Variants in ZNF81 observed in about 807,000 individuals in gnomAD.
ZNF81 encodes zinc finger protein 81.
ZNF81 carries 5 observed loss-of-function variants against 32.3 expected under a neutral mutation model. The ratio of observed to expected loss-of-function variants is 0.15; its 90% CI spans 0.08 to 0.33. The LOEUF is 0.33. Among genes scored for constraint, ZNF81 ranks in the 10% least tolerant of loss-of-function variants. The pLI is 1.00. For synonymous variants in ZNF81, 163 were observed against 166.8 expected (o/e 0.98, Z 0.17); for missense variants, 379 against 479.8 (o/e 0.79, Z 1.96).
At chrX:47,878,827 T>G (rs781969114) in intron 2 of ZNF81, among the ~76,000 whole-genome samples, 1 of 112,646 alleles carries the variant, frequency 8.9e-6, no homozygotes, top group East Asian at 2.8e-4. Flanking sequence ...CCTATAGTTC[T>G]GTAGTTCAGA....
intron 2 of ZNF81, among the ~76,000 whole-genome samples, chrX:47,853,815 G>T (rs2058505337): frequency 8.9e-6 from 1 of 111,834 alleles, no homozygotes; most frequent in Non-Finnish European, 1.9e-5. Context: ...CTCCCAAAGT[G>T]CTGGGATTAC....
Position 47,918,110 on chromosome X carries a change from T to G in ZNF81, c.*1478T>G, listed in dbSNP as rs146669967. On this transcript the variant is annotated 3_prime_UTR_variant, in exon 5 of 5. Transcript: ENST00000338637. ...AGAATATGGGAAGTATCAGTTTGCTTCTTTTAGCTGCATATGATACGATAC... is the reference window on the plus strand; with the variant it reads ...AGAATATGGGAAGTATCAGTTTGCTGCTTTTAGCTGCATATGATACGATAC... The G allele has an allele frequency of 2.7e-5, 3 of 110,883 alleles. No homozygotes were observed. The highest frequency in any genetic ancestry group is 9.8e-5 in the African/African-American group (3 of 30,509). The allele number at this position is 110,883 out of a possible 1,213,427, so 9.1% of individuals were successfully genotyped here. A position where few individuals can be genotyped will look rare whatever the true frequency, so the allele number is the denominator to read the frequency against.
chrX:47,885,666 G>A (rs2058638740), intron 2 of ZNF81, among the ~76,000 whole-genome samples: 1 of 111,677 alleles, frequency 9.0e-6, no homozygotes, highest in Admixed American at 9.5e-5. Flanking sequence ...GTGTCCTCAC[G>A]TGGTGGAAAG....
In ZNF81 at chrX:47,888,042, A is replaced by G; in HGVS notation, c.98A>G (p.Glu33Gly). ...FEDVTVDFSR[E>G]EWQQLDSTQR... ...GATGTGACTGTGGACTTCAGTAGAG[A>G]GGAGTGGCAGCAACTGGACTCTACT... Residue 33 changes from glutamate to glycine, a missense_variant, in exon 3 of 5, where the codon GAG becomes GGG. By Grantham distance (98) the Glu-to-Gly change is moderately conservative. This residue lies in a region of ZNF81 where 277 missense variants were observed against 306.6 expected (regional missense o/e 0.90). Coordinates refer to ENST00000338637, the MANE Select transcript of ZNF81 (RefSeq NM_007137.5). 1 of 1,210,707 alleles carries G rather than the reference A, an allele frequency of 8.3e-7. No homozygotes were observed. The highest frequency in any genetic ancestry group is 1.1e-6 in the Non-Finnish European group (1 of 895,060).
intron 4 of ZNF81, among the ~76,000 whole-genome samples, chrX:47,914,135 T>C (rs184815560): frequency 9.0e-6 from 1 of 111,534 alleles, no homozygotes; most frequent in East Asian, 2.8e-4. Flanking sequence ...TTATTATCAA[T>C]CTTCTGTCCA....
At chrX:47,842,850 TC>T (rs1381699205) in intron 1 of ZNF81, 1 of 112,150 alleles carries the variant, frequency 8.9e-6, no homozygotes, top group African/African-American at 3.2e-5. Context: ...GGTCTTGAAC[TC>T]CTGGCCTCAA....
intron 2 of ZNF81, among the ~76,000 whole-genome samples, chrX:47,881,643 T>C (rs1458015721): frequency 8.9e-6 from 1 of 112,448 alleles, no homozygotes; most frequent in Non-Finnish European, 1.9e-5. Context: ...ATCTTTTCAA[T>C]TAATTTTTTT....
At chrX:47,867,826 A>G (rs782196776) in intron 2 of ZNF81, among the ~76,000 whole-genome samples, 1 of 112,032 alleles carries the variant, frequency 8.9e-6, no homozygotes, top group African/African-American at 3.2e-5. Context: ...ATCCAAGTCT[A>G]AGGAGTAGCT....
At chrX:47,839,234 C>T (rs1306211109) in intron 1 of ZNF81, among the ~76,000 whole-genome samples, 1 of 111,753 alleles carries the variant, frequency 8.9e-6, no homozygotes, top group Non-Finnish European at 1.9e-5. Context: ...TCCAGTGAAG[C>T]CATCTGGGCC....
At chrX:47,866,325 T>C (rs1423191740) in intron 2 of ZNF81, among the ~76,000 whole-genome samples, 1 of 111,354 alleles carries the variant, frequency 9.0e-6, no homozygotes, top group East Asian at 2.8e-4. Flanking sequence ...GGAAATCCTC[T>C]CCACAAATAT....
Position 47,889,710 on chromosome X carries a change from A to G in ZNF81, c.181+1585A>G, listed in dbSNP as rs183827558. The stretch of plus-strand genomic sequence containing the variant: ...GTTCTGCAGGCTGTAAAGGAAGCAT[A>G]GTGGCTCCTGCTTCTGAGGAAGCCT... On this transcript the variant is annotated intron_variant, in intron 3 of 4. Coordinates refer to ENST00000338637, the MANE Select transcript of ZNF81 (RefSeq NM_007137.5). Among the ~76,000 whole-genome samples, 155 of 112,360 alleles carry G rather than the reference A, an allele frequency of 1.4e-3. 1 individual carries two copies. The highest frequency in any genetic ancestry group is 4.4e-3 in the African/African-American group (137 of 30,949).
In ZNF81 at chrX:47,923,238, G is replaced by C. The variant is rs782595375; in HGVS notation, c.*6606G>C. 3.6e-5 allele frequency among the ~76,000 whole-genome samples: 4 copies of C among 111,193 alleles called. No individual in the cohort carries two copies. The highest frequency in any genetic ancestry group is 1.3e-4 in the African/African-American group (4 of 30,508). Reference sequence around the variant, plus strand: ...TAGATACACCTCACTTCCTGAGCCCGCACAGGTCCCCCTACAACTCTCTGT... The same window carrying C: ...TAGATACACCTCACTTCCTGAGCCCCCACAGGTCCCCCTACAACTCTCTGT... On this transcript the variant is annotated 3_prime_UTR_variant, in exon 5 of 5. Coordinates refer to ENST00000338637, the MANE Select transcript of ZNF81 (RefSeq NM_007137.5).
chrX:47,880,958 T>A (rs1237893054), intron 2 of ZNF81, among the ~76,000 whole-genome samples: 1 of 111,722 alleles, frequency 9.0e-6, no homozygotes, highest in Non-Finnish European at 1.9e-5. Context: ...GGGTATCACA[T>A]GGCTAGGGGA....
chrX:47,905,374 GC>G (rs1420883456), intron 4 of ZNF81, among the ~76,000 whole-genome samples: 2 of 91,447 alleles, frequency 2.2e-5, no homozygotes, highest in Non-Finnish European at 4.2e-5. Flanking sequence ...TGGCACCACT[GC>G]ACTCCAGGCT....
intron 2 of ZNF81, among the ~76,000 whole-genome samples, chrX:47,876,789 T>A (rs1326267229): frequency 1.8e-5 from 2 of 112,546 alleles, no homozygotes; most frequent in African/African-American, 6.5e-5. Flanking sequence ...CTCCTGCTAC[T>A]CTTTTTCACT....
intron 2 of ZNF81, among the ~76,000 whole-genome samples, chrX:47,866,494 A>G (rs1422377627): frequency 1.8e-5 from 2 of 112,270 alleles, no homozygotes; most frequent in African/African-American, 3.2e-5. Context: ...AACTTGTCTC[A>G]TGTAAGAAGA....
At chrX:47,911,306 T>C (rs2148043029) in intron 4 of ZNF81, among the ~76,000 whole-genome samples, 1 of 111,545 alleles carries the variant, frequency 9.0e-6, no homozygotes, top group Admixed American at 9.6e-5. Context: ...CTTTTTATTA[T>C]TTTGTGCTCT....
At chrX:47,850,922 CACACACACACACAA>C (rs1383188215) in intron 2 of ZNF81, among the ~76,000 whole-genome samples, 34,731 of 99,003 alleles carry the variant, frequency 0.35, 6,585 homozygotes, top group East Asian at 0.52. Context: ...CACACACACA[CACACACACACACAA>C]CCCAACACCC....
At chrX:47,913,886 G>A (rs1603209859) in intron 4 of ZNF81, among the ~76,000 whole-genome samples, 1 of 111,366 alleles carries the variant, frequency 9.0e-6, no homozygotes, top group East Asian at 2.8e-4. Context: ...AAGATTCAAA[G>A]TGTGAACACT....
Sources: allele counts gnomAD v4.1 joint callset (sites outside exome capture counted in the v4.1 genomes callset), GRCh38; gene constraint gnomAD v4.1.1; regional missense constraint gnomAD v4.1.1; transcripts MANE v1.5; gene names NCBI Gene and HGNC (gene_info 2026-07-23, HGNC 2026-07-21).